Variants in SKA2 observed in about 807,000 individuals in gnomAD.
SKA2 encodes spindle and kinetochore associated complex subunit 2, also known as spindle and kinetochore-associated protein 2.
Under a neutral mutation model 16.9 loss-of-function variants are expected in SKA2, and 13 were observed. The ratio of observed to expected loss-of-function variants is 0.77; its 90% CI spans 0.50 to 1.22. The LOEUF is 1.22. Among genes scored for constraint, SKA2 ranks in the 50% most tolerant of loss-of-function variants. The pLI is 0.00. For synonymous variants in SKA2, 47 were observed against 48.5 expected, an observed-to-expected ratio of 0.97 and a Z score of 0.13; for missense variants, 107 against 139.7, an observed-to-expected ratio of 0.77 and a Z score of 1.18.
chr17:59,118,923 C>G (rs1282609834), intron 3 of SKA2, among the ~76,000 whole-genome samples: 1 of 152,082 alleles, frequency 6.6e-6, no homozygotes, highest in Non-Finnish European at 1.5e-5. Context: ...GCAGCCCTTC[C>G]TCCTTCCCAT....
intron 2 of SKA2, among the ~76,000 whole-genome samples, chr17:59,127,716 A>G (rs2046381600): frequency 6.6e-6 from 1 of 152,068 alleles, no homozygotes; most frequent in African/African-American, 2.4e-5. Flanking sequence ...CTGAGAATGT[A>G]AAATGCTTTA....
rs2046613661 is a variant in SKA2 at position 59,155,114 on chromosome 17, C to T, written c.33+17G>A. On this transcript the variant is annotated intron_variant, in intron 1 of 3. Transcript: ENST00000330137. ...AAAAATAAACTACCCAGTAGATCTC[C>T]TTCACTTTGCACTCACCATCAGTTC... is the stretch of plus-strand genomic sequence containing the variant. 1 of 1,614,032 alleles carries T rather than the reference C, an allele frequency of 6.2e-7. No individual in the cohort carries two copies. Among genetic ancestry groups the T allele is most frequent in the East Asian group, 2.2e-5 (1 of 44,872 alleles).
intron 1 of SKA2, among the ~76,000 whole-genome samples, chr17:59,153,592 G>A (rs934164766): frequency 2.6e-5 from 4 of 152,076 alleles, no homozygotes; most frequent in East Asian, 3.9e-4. Context: ...GTGGGAATGG[G>A]GGGTGGGTGA....
At chr17:59,117,129 A>G (rs564359432) in intron 3 of SKA2, among the ~76,000 whole-genome samples, 2 of 151,836 alleles carry the variant, frequency 1.3e-5, no homozygotes, top group Admixed American at 6.6e-5. Flanking sequence ...TGGCTTTCCT[A>G]ACTAATTTCA....
At chr17:59,121,713 C>T (rs1211648085) in intron 2 of SKA2, among the ~76,000 whole-genome samples, 3 of 144,828 alleles carry the variant, frequency 2.1e-5, no homozygotes, top group Non-Finnish European at 3.0e-5. Context: ...CTTTGGGAGG[C>T]CGAGGCGGGC....
intron 1 of SKA2, among the ~76,000 whole-genome samples, chr17:59,136,183 C>T (rs1050137234): frequency 2.0e-5 from 3 of 151,966 alleles, no homozygotes; most frequent in Admixed American, 1.3e-4. Flanking sequence ...TTATTTAGAC[C>T]GAGTTTCGCT....
chr17:59,126,351 C>T (rs943487198), intron 2 of SKA2, among the ~76,000 whole-genome samples: 5 of 151,996 alleles, frequency 3.3e-5, no homozygotes, highest in East Asian at 3.8e-4. Flanking sequence ...CTCCAAATCA[C>T]GAGGGGTACT....
At chr17:59,133,548 G>A (rs2046424924) in intron 1 of SKA2, among the ~76,000 whole-genome samples, 1 of 152,020 alleles carries the variant, frequency 6.6e-6, no homozygotes. Flanking sequence ...TTAGTGGAAG[G>A]GGAAAAACTG....
At chr17:59,144,931 G>A (rs2046520702) in intron 1 of SKA2, among the ~76,000 whole-genome samples, 1 of 152,046 alleles carries the variant, frequency 6.6e-6, no homozygotes, top group African/African-American at 2.4e-5. Flanking sequence ...CGAGTAGTTG[G>A]GATTACAGGC....
intron 2 of SKA2, among the ~76,000 whole-genome samples, chr17:59,123,722 GA>G (rs997346273): frequency 1.3e-5 from 2 of 152,064 alleles, no homozygotes; most frequent in Non-Finnish European, 2.9e-5. Flanking sequence ...CCTATAGTAG[GA>G]AATTATTATT....
intron 1 of SKA2, among the ~76,000 whole-genome samples, chr17:59,154,042 T>C (rs906225884): frequency 5.9e-4 from 90 of 151,528 alleles, no homozygotes; most frequent in African/African-American, 2.2e-3. Context: ...AGTGCCGGGA[T>C]TACAGGCGTG....
At chr17:59,116,810 CTTTTTTTTTTTTT>C (rs909458290) in intron 3 of SKA2, among the ~76,000 whole-genome samples, 1 of 75,302 alleles carries the variant, frequency 1.3e-5, no homozygotes, top group Non-Finnish European at 2.5e-5. Flanking sequence ...CTGCCTTTGG[CTTTTTTTTTTTTT>C]TTTTTTTTTT....
intron 1 of SKA2, among the ~76,000 whole-genome samples, chr17:59,153,969 A>C (rs2046597702): frequency 6.6e-6 from 1 of 151,612 alleles, no homozygotes; most frequent in Admixed American, 6.6e-5. Context: ...ACGGAGTTTC[A>C]CCATGTTGGC....
At chr17:59,119,156 TAAAC>T in intron 3 of SKA2, 159 bp downstream of exon 3, 1 of 689,448 alleles carries the variant, frequency 1.5e-6, no homozygotes, top group Non-Finnish European at 2.3e-6. Context: ...TATTTTTAAA[TAAAC>T]AGAAATAAGA....
intron 1 of SKA2, among the ~76,000 whole-genome samples, chr17:59,133,325 G>A (rs986892001): frequency 2.6e-5 from 4 of 152,216 alleles, no homozygotes; most frequent in African/African-American, 9.6e-5. Flanking sequence ...ATGAAATTCC[G>A]CATCTTTTAC....
chr17:59,147,824 T>G (rs1161702781), intron 1 of SKA2, among the ~76,000 whole-genome samples: 1 of 150,764 alleles, frequency 6.6e-6, no homozygotes, highest in African/African-American at 2.4e-5. Flanking sequence ...AAATATTGTT[T>G]TAAGCAAAAA....
At position 59,136,921 on chromosome 17, in the gene SKA2, G is replaced by A. The variant is rs1363862303; in HGVS notation, c.34-5554C>T. On this transcript the variant is annotated intron_variant, in intron 1 of 3. Coordinates refer to ENST00000330137, the MANE Select transcript of SKA2 (RefSeq NM_182620.4). Reference sequence around the variant, plus strand: ...AAAATAGCAAAGTAACTTGCCTCTAGTTCTATTTCCATTACTGTTTTCTTA... The same window carrying A: ...AAAATAGCAAAGTAACTTGCCTCTAATTCTATTTCCATTACTGTTTTCTTA... Among the ~76,000 whole-genome samples, 5 of 152,120 alleles carry A rather than the reference G, an allele frequency of 3.3e-5. No homozygotes were observed. In the South Asian group the frequency reaches 8.3e-4, roughly 25 times the overall value.
At chr17:59,121,268 T>C (rs1486632091) in intron 2 of SKA2, among the ~76,000 whole-genome samples, 3 of 151,882 alleles carry the variant, frequency 2.0e-5, no homozygotes, top group Non-Finnish European at 4.4e-5. Context: ...CTAAATGATA[T>C]ACTTCCAGAT....
rs1599654232 is a variant in SKA2, at chr17:59,112,214, C to A, written c.*63G>T. 1.4e-6 allele frequency: 2 copies of A among 1,392,006 alleles called. No individual in the cohort carries two copies. The highest frequency in any genetic ancestry group is 2.0e-6 in the Non-Finnish European group (2 of 991,206). The allele number at this position is 1,392,006 out of a possible 1,614,324, so 86.2% of individuals were successfully genotyped here. A position where few individuals can be genotyped will look rare whatever the true frequency, so the allele number is the denominator to read the frequency against. On this transcript the variant is annotated 3_prime_UTR_variant, in exon 4 of 4. Transcript: ENST00000330137. ...TAGACATCAAGGGTTAACAAGACAT[C>A]TTCCTAAATTTCTCCGGAATTAAGC...
Sources: gnomAD v4.1 joint callset for allele counts (sites outside exome capture counted in the v4.1 genomes callset) on GRCh38, gnomAD v4.1.1 for gene constraint, MANE v1.5 for transcripts, NCBI Gene and HGNC (gene_info 2026-07-23, HGNC 2026-07-21) for gene names.